Variants in COG5 observed in about 807,000 individuals in gnomAD.
COG5 encodes the protein conserved oligomeric Golgi complex subunit 5.
Under a neutral mutation model 110.4 loss-of-function variants are expected in COG5, and 86 were observed. That is an observed-to-expected ratio of 0.78 (90% confidence interval 0.65 to 0.93). The LOEUF (loss-of-function observed/expected upper bound fraction) is 0.93, where lower values mean the gene tolerates loss of function less well. Among genes scored for constraint, COG5 ranks in the 40% least tolerant of loss-of-function variants. The pLI, the probability that COG5 is intolerant of heterozygous loss-of-function variation, is 0.00. For missense variants in COG5, 1,077 were observed against 987.0 expected (o/e 1.09, Z -1.22); for synonymous variants, 360 against 334.6 (o/e 1.08, Z -0.83).
At position 107,206,455 on chromosome 7, in the gene COG5, T is replaced by G. The variant is rs147519466; in HGVS notation, c.2376-2825A>C. On this transcript the variant is annotated intron_variant, in intron 21 of 21. Coordinates refer to ENST00000297135, the MANE Select transcript of COG5 (RefSeq NM_006348.5). Reference sequence around the variant, plus strand: ...TATTTTTCTATGAAAAAAACTTGCTTCTTTTGGTAATATGCTTCTAGTTGG... The same window carrying G: ...TATTTTTCTATGAAAAAAACTTGCTGCTTTTGGTAATATGCTTCTAGTTGG... 6.5e-4 allele frequency among the ~76,000 whole-genome samples: 99 copies of G among 152,342 alleles called. 1 individual carries two copies. Among genetic ancestry groups the G allele is most frequent in the Non-Finnish European group, 7.9e-4 (54 of 68,030 alleles).
chr7:107,368,034 T>C (rs2129048469), intron 8 of COG5, among the ~76,000 whole-genome samples: 1 of 152,140 alleles, frequency 6.6e-6, no homozygotes, highest in Middle Eastern at 3.4e-3. Flanking sequence ...AAAAATAACA[T>C]AACTAACAAC....
intron 6 of COG5, among the ~76,000 whole-genome samples, chr7:107,468,386 C>A (rs1465271133): frequency 6.6e-6 from 1 of 151,858 alleles, no homozygotes; most frequent in African/African-American, 2.4e-5. Flanking sequence ...TTTCTCTGGT[C>A]TTAGTTTTAA....
Position 107,278,306 on chromosome 7 carries a change from T to C in COG5, c.1575+2994A>G, listed in dbSNP as rs565790796. ...TTTTATTATACTTTAAGTTCTGAGA[T>C]ACATGTGCAGAACGTGCAGATTTGT... is the stretch of plus-strand genomic sequence containing the variant. On this transcript the variant is annotated intron_variant, in intron 14 of 21. Coordinates refer to ENST00000297135, the MANE Select transcript of COG5 (RefSeq NM_006348.5). Among the ~76,000 whole-genome samples the C allele has an allele frequency of 5.9e-5, 9 of 152,236 alleles. No individual in the cohort carries two copies. In the East Asian group the frequency reaches 1.5e-3, roughly 26 times the overall value.
At chr7:107,343,653 C>T (rs959525183) in intron 10 of COG5, among the ~76,000 whole-genome samples, 2 of 152,022 alleles carry the variant, frequency 1.3e-5, no homozygotes, top group South Asian at 4.1e-4. Flanking sequence ...TGCACTCCCA[C>T]GTAGAAGACA....
chr7:107,473,137 C>G (rs1263102432), intron 6 of COG5: 2 of 151,740 alleles, frequency 1.3e-5, no homozygotes, highest in African/African-American at 4.8e-5. Flanking sequence ...CTCCTTTTCC[C>G]TAAAATTTCA....
At chr7:107,417,935 A>G (rs1793000692) in intron 6 of COG5, among the ~76,000 whole-genome samples, 1 of 151,986 alleles carries the variant, frequency 6.6e-6, no homozygotes, top group African/African-American at 2.4e-5. Flanking sequence ...GTATTTTCCC[A>G]GTCTATTGAT....
At chr7:107,369,564 T>G (rs1813939741) in intron 8 of COG5, among the ~76,000 whole-genome samples, 2 of 151,978 alleles carry the variant, frequency 1.3e-5, no homozygotes, top group African/African-American at 4.8e-5. Flanking sequence ...TTTTTCTGTA[T>G]TTTTAGTAGA....
intron 11 of COG5, among the ~76,000 whole-genome samples, chr7:107,298,894 G>A (rs1249996268): frequency 2.0e-5 from 3 of 152,052 alleles, no homozygotes; most frequent in Non-Finnish European, 4.4e-5. Flanking sequence ...TACCTGAAAA[G>A]AATCCTCAAA....
At chr7:107,304,510 T>C (rs759828289) in intron 11 of COG5, among the ~76,000 whole-genome samples, 1 of 152,186 alleles carries the variant, frequency 6.6e-6, no homozygotes, top group African/African-American at 2.4e-5. Flanking sequence ...GGGGTCTAGG[T>C]TTGGAGTTAT....
chr7:107,313,911 T>C (rs1305004320), intron 11 of COG5, among the ~76,000 whole-genome samples: 1 of 152,150 alleles, frequency 6.6e-6, no homozygotes, highest in African/African-American at 2.4e-5. Flanking sequence ...GCCTATCAAT[T>C]TTCCATTTTT....
At chr7:107,527,733 G>C (rs1800878853) in intron 5 of COG5, among the ~76,000 whole-genome samples, 2 of 152,154 alleles carry the variant, frequency 1.3e-5, no homozygotes, top group South Asian at 4.1e-4. Context: ...GAGAGAACTT[G>C]GAATTGAGGC....
intron 7 of COG5, among the ~76,000 whole-genome samples, chr7:107,390,780 G>A (rs1315092572): frequency 6.7e-6 from 1 of 148,910 alleles, no homozygotes; most frequent in Non-Finnish European, 1.5e-5. Context: ...AGCAACGATC[G>A]CCACACCTGA....
At chr7:107,482,937 C>T (rs767943642) in intron 6 of COG5, among the ~76,000 whole-genome samples, 20 of 152,228 alleles carry the variant, frequency 1.3e-4, no homozygotes, top group South Asian at 4.1e-4. Context: ...ATAAAACTTC[C>T]GCTAAAACAT....
At position 107,298,260 on chromosome 7, in the gene COG5, A is replaced by G; in HGVS notation, c.1195T>C (p.Tyr399His). The change falls in exon 12 of 22, where the codon TAC becomes CAC. Residue 399 changes from tyrosine (Y) to histidine (H), a missense_variant. Tyr to His is a moderately conservative substitution (Grantham distance 83). Coordinates refer to ENST00000297135, the MANE Select transcript of COG5 (RefSeq NM_006348.5). ...YNDLWKRLQQ[Y>H]SQHIQGNFNA... ...AAATTCCCTTGGATATGCTGACTGT[A>G]TTGTTGAAGACGCTTCCATAAGTCA... 5 of 1,613,392 alleles carry G rather than the reference A, an allele frequency of 3.1e-6. No individual in the cohort carries two copies. The highest frequency in any genetic ancestry group is 4.2e-6 in the Non-Finnish European group (5 of 1,179,472).
At chr7:107,518,899 A>G (rs759423263) in intron 6 of COG5, among the ~76,000 whole-genome samples, 1 of 152,230 alleles carries the variant, frequency 6.6e-6, no homozygotes, top group Non-Finnish European at 1.5e-5. Flanking sequence ...AATCAACCTC[A>G]TAATTGGAAA....
At chr7:107,225,674 G>C (rs1800282113) in intron 19 of COG5, among the ~76,000 whole-genome samples, 1 of 152,136 alleles carries the variant, frequency 6.6e-6, no homozygotes, top group Non-Finnish European at 1.5e-5. Flanking sequence ...CACCATGCCT[G>C]GCTAATTTTT....
At chr7:107,554,965 C>A (rs1286860065) in intron 2 of COG5, among the ~76,000 whole-genome samples, 1 of 152,126 alleles carries the variant, frequency 6.6e-6, no homozygotes, top group Non-Finnish European at 1.5e-5. Flanking sequence ...ATGTAAAAAA[C>A]AGCTCATTAT....
At chr7:107,266,864 A>G (rs1323918829) in intron 14 of COG5, among the ~76,000 whole-genome samples, 5 of 152,144 alleles carry the variant, frequency 3.3e-5, no homozygotes, top group Admixed American at 2.6e-4. Context: ...TATCTCCTGG[A>G]CTGTTAAATT....
At chr7:107,238,627 G>A (rs751187483) in intron 17 of COG5, among the ~76,000 whole-genome samples, 6 of 152,078 alleles carry the variant, frequency 3.9e-5, no homozygotes, top group Non-Finnish European at 8.8e-5. Context: ...AGTATACAAG[G>A]GTTCCCTTTT....
Sources: gnomAD v4.1 joint callset for allele counts (sites outside exome capture counted in the v4.1 genomes callset) on GRCh38, gnomAD v4.1.1 for gene constraint, MANE v1.5 for transcripts, NCBI Gene and HGNC (gene_info 2026-07-23, HGNC 2026-07-21) for gene names.